Variants in RFX3 observed in about 807,000 individuals in gnomAD.
RFX3 encodes the protein regulatory factor X3.
In RFX3, 14 loss-of-function variants were observed where a neutral mutation model predicts 98.6. The observed-to-expected ratio is 0.14, with a 90% CI of 0.09 to 0.22. The LOEUF (loss-of-function observed/expected upper bound fraction) is 0.22. Among genes scored for constraint, RFX3 ranks in the 10% least tolerant of loss-of-function variants. The probability of loss-of-function intolerance (pLI) is 1.00; values close to 1 mark genes in which losing one functional copy is unlikely to be tolerated. For missense variants in RFX3, 639 were observed against 926.9 expected (o/e 0.69, Z 4.03); for synonymous variants, 383 against 328.4 (o/e 1.17, Z -1.80).
At chr9:3,321,286 T>C (rs1009456186) in intron 4 of RFX3, among the ~76,000 whole-genome samples, 1 of 152,178 alleles carries the variant, frequency 6.6e-6, no homozygotes, top group Non-Finnish European at 1.5e-5. Context: ...ATTATCAGTA[T>C]GGTAAATTCC....
At chr9:3,339,128 T>A (rs79463587) in intron 3 of RFX3, among the ~76,000 whole-genome samples, 1 of 149,190 alleles carries the variant, frequency 6.7e-6, no homozygotes, top group Non-Finnish European at 1.5e-5. Flanking sequence ...TACTTGAGTT[T>A]AAAAAAAAAA....
intron 11 of RFX3, among the ~76,000 whole-genome samples, chr9:3,266,941 C>T (rs1323492588): frequency 6.6e-6 from 1 of 152,002 alleles, no homozygotes; most frequent in African/African-American, 2.4e-5. Flanking sequence ...AACCCGTATT[C>T]TTAAGATACT....
intron 1 of RFX3, among the ~76,000 whole-genome samples, chr9:3,418,760 T>C (rs1587601832): frequency 1.3e-5 from 2 of 152,328 alleles, no homozygotes; most frequent in African/African-American, 2.4e-5. Flanking sequence ...GATATCATCA[T>C]AGAAAAATAA....
At chr9:3,297,578 A>T (rs1828145717) in intron 5 of RFX3, among the ~76,000 whole-genome samples, 1 of 152,040 alleles carries the variant, frequency 6.6e-6, no homozygotes, top group Non-Finnish European at 1.5e-5. Context: ...CAGATGGATT[A>T]TTACCCATCA....
At chr9:3,347,766 C>T (rs1488919327) in intron 2 of RFX3, among the ~76,000 whole-genome samples, 1 of 152,112 alleles carries the variant, frequency 6.6e-6, no homozygotes, top group African/African-American at 2.4e-5. Context: ...GCAGAGGTTG[C>T]AGCGAGCCGA....
At chr9:3,235,833 A>G (rs1050449894) in intron 15 of RFX3, among the ~76,000 whole-genome samples, 16 of 152,192 alleles carry the variant, frequency 1.1e-4, no homozygotes, top group African/African-American at 3.9e-4. Context: ...ATAATCCAGG[A>G]TAATCTCCCC....
At position 3,413,155 on chromosome 9, in the gene RFX3, C is replaced by T. The variant is rs550590252; in HGVS notation, c.-8-17559G>A. On this transcript the variant is annotated intron_variant, in intron 1 of 16. Transcript: ENST00000617270. The stretch of plus-strand genomic sequence containing the variant: ...TTTTTTTCAGTTACAACCTATTCTC[C>T]TAAGGATACTAGTCCCAGCTTTTAA... 3.3e-5 allele frequency among the ~76,000 whole-genome samples: 5 copies of T among 151,834 alleles called. No homozygotes were observed. In the East Asian group the frequency reaches 9.7e-4, roughly 29 times the overall value.
intron 2 of RFX3, among the ~76,000 whole-genome samples, chr9:3,381,711 C>T (rs1425073212): frequency 6.6e-6 from 1 of 151,802 alleles, no homozygotes; most frequent in African/African-American, 2.4e-5. Flanking sequence ...GCTGAAATTA[C>T]TACTAATAAA....
At chr9:3,367,612 C>G (rs1431207410) in intron 2 of RFX3, among the ~76,000 whole-genome samples, 1 of 152,190 alleles carries the variant, frequency 6.6e-6, no homozygotes, top group African/African-American at 2.4e-5. Flanking sequence ...GGAATTGTTA[C>G]CAACATTTTA....
chr9:3,504,069 G>A (rs958577668), intron 1 of RFX3, among the ~76,000 whole-genome samples: 6 of 146,848 alleles, frequency 4.1e-5, no homozygotes, highest in East Asian at 2.0e-4. Flanking sequence ...TGGCTCAATC[G>A]GCTCGATTCC....
rs200060199 is a variant in RFX3 at position 3,377,005 on chromosome 9, G to A, written c.117+18467C>T. On this transcript the variant is annotated intron_variant, in intron 2 of 16. Transcript: ENST00000617270. ...TTTTACACTGTTGGTGGGACTGTAA[G>A]CTAGTTCAACCATTGTGAAAGACAG... 3.3e-3 allele frequency among the ~76,000 whole-genome samples: 500 copies of A among 152,296 alleles called. 2 individuals carry two copies. Among genetic ancestry groups the A allele is most frequent in the Non-Finnish European group, 3.9e-3 (266 of 68,026 alleles).
At chr9:3,267,633 C>A (rs1159616745) in intron 11 of RFX3, among the ~76,000 whole-genome samples, 1 of 151,708 alleles carries the variant, frequency 6.6e-6, no homozygotes, top group African/African-American at 2.4e-5. Flanking sequence ...AGATCCTTAA[C>A]CACGAGGATC....
intron 1 of RFX3, among the ~76,000 whole-genome samples, chr9:3,416,358 C>T (rs186873748): frequency 7.2e-5 from 11 of 152,236 alleles, no homozygotes; most frequent in African/African-American, 2.4e-4. Context: ...AGTTCAAATC[C>T]AGGTGTAACT....
rs1325277352 is a variant in RFX3 at position 3,344,911 on chromosome 9, T to C, written c.215+1756A>G. 7.2e-6 allele frequency: 5 copies of C among 693,470 alleles called. No homozygotes were observed. The East Asian group carries it at 1.1e-4, about 15-fold the overall frequency. 43.0% of individuals were successfully genotyped at this position (693,470 alleles called of 1,614,324 possible). ...CAACAAATAAGTAGAGTGAAAAACA[T>C]TCACAGTGTGTCTAAAATATGTAAA... On this transcript the variant is annotated intron_variant, in intron 3 of 16. Transcript: ENST00000617270.
At chr9:3,343,101 C>T (rs1192643685) in intron 3 of RFX3, among the ~76,000 whole-genome samples, 1 of 152,148 alleles carries the variant, frequency 6.6e-6, no homozygotes, top group African/African-American at 2.4e-5. Flanking sequence ...ATTTTAGTAT[C>T]ATCAAATTAT....
At chr9:3,251,105 A>G (rs918731473) in intron 14 of RFX3, among the ~76,000 whole-genome samples, 1 of 152,212 alleles carries the variant, frequency 6.6e-6, no homozygotes, top group Non-Finnish European at 1.5e-5. Flanking sequence ...TAAATAATGT[A>G]TGAGGCATAA....
chr9:3,344,812 G>C (rs1357624021), intron 3 of RFX3: 2 of 712,516 alleles, frequency 2.8e-6, no homozygotes, highest in African/African-American at 3.5e-5. Context: ...TTTTCATTTG[G>C]TATAAATGCC....
intron 1 of RFX3, among the ~76,000 whole-genome samples, chr9:3,453,863 T>A (rs971433041): frequency 4.8e-4 from 73 of 152,236 alleles, no homozygotes; most frequent in African/African-American, 1.5e-3. Flanking sequence ...TTAGATTTTT[T>A]AAATATTTTA....
intron 1 of RFX3, among the ~76,000 whole-genome samples, chr9:3,505,788 C>T (rs1016601224): frequency 6.7e-6 from 1 of 149,908 alleles, no homozygotes; most frequent in Non-Finnish European, 1.5e-5. Flanking sequence ...CTCTCTACCC[C>T]CCTGCTTCTC....
Sources: gnomAD v4.1 joint callset for allele counts (sites outside exome capture counted in the v4.1 genomes callset) on GRCh38, gnomAD v4.1.1 for gene constraint, MANE v1.5 for transcripts, NCBI Gene and HGNC (gene_info 2026-07-23, HGNC 2026-07-21) for gene names.